Variants in MYO5B observed in about 807,000 individuals in gnomAD.
The protein encoded by MYO5B is unconventional myosin-Vb.
A neutral mutation model predicts 229.3 loss-of-function variants in MYO5B; 143 were observed. The observed-to-expected ratio is 0.62, with a 90% CI of 0.54 to 0.72. MYO5B has a LOEUF of 0.72. Ranked by LOEUF, MYO5B falls within the 30% of genes least tolerant of loss-of-function variation. The pLI is 0.00. For synonymous variants in MYO5B, 918 were observed against 885.2 expected (o/e 1.04, Z -0.66); for missense variants, 2,321 against 2,331.0 (o/e 1.00, Z 0.09).
intron 16 of MYO5B, among the ~76,000 whole-genome samples, chr18:49,930,555 G>A (rs2025178267): frequency 6.6e-6 from 1 of 152,110 alleles, no homozygotes; most frequent in Non-Finnish European, 1.5e-5. Context: ...GCCAAAAGAA[G>A]CCAGAGAGCA....
intron 1 of MYO5B, among the ~76,000 whole-genome samples, chr18:50,138,980 C>T (rs974131750): frequency 2.0e-5 from 3 of 150,808 alleles, no homozygotes; most frequent in Admixed American, 6.6e-5. Context: ...TCCCATTTTC[C>T]CAGGACCCTG....
intron 4 of MYO5B, among the ~76,000 whole-genome samples, chr18:50,012,156 T>C (rs1434286317): frequency 7.2e-5 from 11 of 152,228 alleles, no homozygotes; most frequent in Admixed American, 7.2e-4. Context: ...ATATTTGTTT[T>C]TAAAATTCCA....
intron 29 of MYO5B, among the ~76,000 whole-genome samples, chr18:49,860,356 C>T (rs2024314207): frequency 6.6e-6 from 1 of 152,156 alleles, no homozygotes; most frequent in African/African-American, 2.4e-5. Flanking sequence ...GAAAAGAAGA[C>T]AAACTGCCCA....
intron 14 of MYO5B, among the ~76,000 whole-genome samples, chr18:49,941,424 A>G (rs376237765): frequency 2.0e-5 from 3 of 152,202 alleles, no homozygotes; most frequent in African/African-American, 4.8e-5. Context: ...AGCAAAGCAC[A>G]CCTCAAATCC....
At chr18:50,115,555 C>G (rs576158267) in intron 1 of MYO5B, among the ~76,000 whole-genome samples, 206 of 125,080 alleles carry the variant, frequency 1.6e-3, no homozygotes, top group East Asian at 4.6e-3. Flanking sequence ...GAGACACACA[C>G]ACACACACAC....
chr18:49,983,925 C>T (rs2011746897), intron 8 of MYO5B, among the ~76,000 whole-genome samples: 1 of 152,208 alleles, frequency 6.6e-6, no homozygotes, highest in Admixed American at 6.5e-5. Flanking sequence ...ACCTAACATG[C>T]TGCTCTGGGT....
chr18:50,150,618 G>A (rs1194293355), intron 1 of MYO5B, among the ~76,000 whole-genome samples: 1 of 152,124 alleles, frequency 6.6e-6, no homozygotes. Context: ...TCATTCATAG[G>A]TGGGAATTGA....
chr18:50,038,353 T>G lies in MYO5B; in HGVS notation c.311-1359A>C, dbSNP rs764712469. On this transcript the variant is annotated intron_variant, in intron 3 of 39. Transcript: ENST00000285039. ...GAAAAGAGACACTGGGAACGCGAAGTGTAATAAACCAGATTATTCCACATA... is the reference window on the plus strand; with the variant it reads ...GAAAAGAGACACTGGGAACGCGAAGGGTAATAAACCAGATTATTCCACATA... Among the ~76,000 whole-genome samples the G allele has an allele frequency of 2.0e-4, 30 of 152,116 alleles. 1 individual carries two copies. The highest frequency in any genetic ancestry group is 1.6e-3 in the Admixed American group (25 of 15,278).
At chr18:50,047,519 G>GA (rs1480637696) in intron 2 of MYO5B, among the ~76,000 whole-genome samples, 1 of 152,176 alleles carries the variant, frequency 6.6e-6, no homozygotes, top group Non-Finnish European at 1.5e-5. Flanking sequence ...AACCATTGTG[G>GA]AAGTCAGTGT....
At chr18:50,151,246 G>C (rs1290970455) in intron 1 of MYO5B, among the ~76,000 whole-genome samples, 1 of 152,198 alleles carries the variant, frequency 6.6e-6, no homozygotes, top group Non-Finnish European at 1.5e-5. Flanking sequence ...AGAGTTAGCA[G>C]CTAGTCTGAA....
At chr18:50,156,065 G>T (rs28451421) in intron 1 of MYO5B, among the ~76,000 whole-genome samples, 2 of 152,174 alleles carry the variant, frequency 1.3e-5, no homozygotes, top group Admixed American at 1.3e-4. Flanking sequence ...CCTTTGGATT[G>T]TTCCAATTTA....
intron 1 of MYO5B, among the ~76,000 whole-genome samples, chr18:50,135,377 T>C (rs903633324): frequency 1.3e-5 from 2 of 152,218 alleles, no homozygotes; most frequent in East Asian, 1.9e-4. Context: ...AATTATGTAA[T>C]GATGAAAGGA....
chr18:50,090,936 C>G (rs1018398772), intron 1 of MYO5B, among the ~76,000 whole-genome samples: 3 of 152,192 alleles, frequency 2.0e-5, no homozygotes, highest in Non-Finnish European at 2.9e-5. Context: ...CAATTCTAGC[C>G]ATGCTAGGTT....
intron 2 of MYO5B, among the ~76,000 whole-genome samples, chr18:50,046,542 TCA>T (rs1291449230): frequency 2.0e-5 from 3 of 152,208 alleles, no homozygotes; most frequent in African/African-American, 7.2e-5. Flanking sequence ...AGGGGTTTTC[TCA>T]TTTGTCAAAT....
intron 35 of MYO5B, chr18:49,840,662 A>T (rs1006018361): frequency 6.6e-6 from 1 of 152,518 alleles, no homozygotes; most frequent in Admixed American, 6.5e-5. Context: ...TGGGATTCTC[A>T]CCAGAGAAAC....
chr18:50,130,812 T>C (rs1458667956), intron 1 of MYO5B, among the ~76,000 whole-genome samples: 2 of 152,186 alleles, frequency 1.3e-5, no homozygotes, highest in Non-Finnish European at 2.9e-5. Context: ...ACGACTGTGA[T>C]GTGCACTGCT....
chr18:50,066,193 A>G (rs948168513), intron 1 of MYO5B, among the ~76,000 whole-genome samples: 1 of 152,224 alleles, frequency 6.6e-6, no homozygotes, highest in African/African-American at 2.4e-5. Flanking sequence ...TATCAGCAAG[A>G]TAGTTCAGTC....
chr18:50,192,549 G>GC (rs1473174556), intron 1 of MYO5B, among the ~76,000 whole-genome samples: 2 of 152,202 alleles, frequency 1.3e-5, no homozygotes, highest in African/African-American at 2.4e-5. Flanking sequence ...TCTTTAGGAA[G>GC]CCAAAGCTTT....
rs754535513 is a variant in MYO5B at position 49,880,355 on chromosome 18, G to A, written c.3130+16C>T. The A allele has an allele frequency of 6.2e-6, 10 of 1,607,566 alleles. No homozygotes were observed. The South Asian group carries it at 1.1e-4, about 18-fold the overall frequency. ...GATTAAAACCCCAAATAAAACTCAA[G>A]TGCTTTGGTACTTACCTTTAGACTG... On this transcript the variant is annotated intron_variant, in intron 23 of 39. Transcript: ENST00000285039.
Sources: allele counts gnomAD v4.1 joint callset (sites outside exome capture counted in the v4.1 genomes callset), GRCh38; gene constraint gnomAD v4.1.1; transcripts MANE v1.5; gene names NCBI Gene and HGNC (gene_info 2026-07-23, HGNC 2026-07-21).